Variants in SPG7 observed in about 807,000 individuals in gnomAD.
SPG7 encodes the protein SPG7 matrix AAA peptidase subunit, paraplegin.
A neutral mutation model predicts 81.9 loss-of-function variants in SPG7; 103 were observed. The observed-to-expected ratio is 1.26, with a 90% CI of 1.07 to 1.48. The LOEUF is 1.48. SPG7 is among the 40% of genes most tolerant of loss of function. The probability of loss-of-function intolerance (pLI) is 0.00; values close to 1 mark genes in which losing one functional copy is unlikely to be tolerated. For synonymous variants in SPG7, 534 were observed against 444.2 expected, an observed-to-expected ratio of 1.20 and a Z score of -2.54; for missense variants, 1,241 against 1,087.3, an observed-to-expected ratio of 1.14 and a Z score of -1.99.
At chr16:89,529,791 C>G (rs899407353) in intron 6 of SPG7, 3 of 621,786 alleles carry the variant, frequency 4.8e-6, no homozygotes, top group East Asian at 5.7e-5. Context: ...ACCCCTAACT[C>G]TGGGGTGCCT....
chr16:89,550,381 C>G, intron 12 of SPG7, 113 bp from the exon 13 acceptor site: 1 of 774,114 alleles, frequency 1.3e-6, no homozygotes, highest in Non-Finnish European at 2.3e-6. Context: ...CCATATTGGT[C>G]GGGCTGGTCT....
chr16:89,546,192 T>C (rs896821827), intron 10 of SPG7: 15 of 303,250 alleles, frequency 4.9e-5, no homozygotes, highest in East Asian at 9.6e-5. Context: ...GTTCAAGTGA[T>C]TGTCCCGCCT....
At chr16:89,531,718 G>C in intron 7 of SPG7, 186 bp from the exon 8 acceptor site, 4 of 645,312 alleles carry the variant, frequency 6.2e-6, no homozygotes, top group Non-Finnish European at 1.1e-5. Flanking sequence ...CCACATGCCT[G>C]TATATTCCCA....
chr16:89,513,744 C>T (rs2058053167), intron 3 of SPG7, among the ~76,000 whole-genome samples: 1 of 39,684 alleles, frequency 2.5e-5, no homozygotes, highest in Admixed American at 3.4e-4. Context: ...TGAGGCCTCT[C>T]GCTGGAAATC....
At position 89,556,490 on chromosome 16, in the gene SPG7, A is replaced by G. The variant is rs1364584376; in HGVS notation, c.2182-397A>G. On this transcript the variant is annotated intron_variant, in intron 16 of 16. Coordinates refer to ENST00000645818, the MANE Select transcript of SPG7 (RefSeq NM_003119.4). ...TAGAATGGCAGAAATTCACTTCCCC[A>G]ACTTGAGAGGTCCCAGCTCACACAA... The G allele has an allele frequency of 9.8e-6, 3 of 306,240 alleles. No individual in the cohort carries two copies. In the East Asian group the frequency reaches 2.4e-4, roughly 25 times the overall value. The allele number at this position is 306,240 out of a possible 1,614,324, so 19.0% of individuals were successfully genotyped here.
chr16:89,531,181 G>A (rs971907595), intron 7 of SPG7: 1 of 367,262 alleles, frequency 2.7e-6, no homozygotes, highest in Non-Finnish European at 5.3e-6. Context: ...CGCGGGCCTG[G>A]TACGGTGGGT....
chr16:89,529,829 A>G (rs555289207), intron 6 of SPG7: 5 of 548,088 alleles, frequency 9.1e-6, no homozygotes, highest in African/African-American at 7.6e-5. Flanking sequence ...AGGGCAGTTG[A>G]ATCTGCGTTT....
chr16:89,549,063 C>G (rs746380489), intron 12 of SPG7: 1 of 456,316 alleles, frequency 2.2e-6, no homozygotes, highest in South Asian at 1.5e-5. Context: ...CAAAACACAC[C>G]TGGCTTCTCT....
At chr16:89,527,872 G>T (rs573619202) in intron 5 of SPG7, among the ~76,000 whole-genome samples, 159 of 151,772 alleles carry the variant, frequency 1.0e-3, no homozygotes, top group African/African-American at 3.8e-3. Flanking sequence ...AGGCAGGGAG[G>T]ATCTCTTGAG....
In SPG7 at chr16:89,508,488, G is replaced by C. The variant is rs774999325; in HGVS notation, c.71G>C (p.Gly24Ala). Reference sequence around the variant, plus strand: ...GGCCCGGGTCCTCGGCCGCTGTGGGGCCCAGGCCCGGCCTGGAGTCCAGGG... The same window carrying C: ...GGCCCGGGTCCTCGGCCGCTGTGGGCCCCAGGCCCGGCCTGGAGTCCAGGG... ...GPGPGPRPLW[G>A]PGPAWSPGFP... The change falls in exon 1 of 17, where the codon GGC (glycine) becomes GCC (alanine). Residue 24 changes from glycine to alanine, a missense_variant. Physicochemically the swap from Gly to Ala is moderately conservative, Grantham distance 60 (BLOSUM62 0). Transcript: ENST00000645818. 1 of 1,510,630 alleles carries C rather than the reference G, an allele frequency of 6.6e-7. No homozygotes were observed. The highest frequency in any genetic ancestry group is 1.2e-5 in the South Asian group (1 of 81,502). 93.6% of individuals were successfully genotyped at this position (1,510,630 alleles called of 1,614,324 possible).
At chr16:89,540,029 G>A (rs1046423070) in intron 9 of SPG7, 1 of 152,522 alleles carries the variant, frequency 6.6e-6, no homozygotes, top group Non-Finnish European at 1.5e-5. Flanking sequence ...TTTCCACCAA[G>A]TTGTGCTTGC....
At chr16:89,555,800 C>T (rs933677827) in intron 16 of SPG7, 2 of 398,454 alleles carry the variant, frequency 5.0e-6, no homozygotes, top group Non-Finnish European at 8.8e-6. Context: ...GTGCACGGCT[C>T]TTTGTCCCAT....
At chr16:89,556,822 C>G (rs2058691215) in intron 16 of SPG7, 65 bp from the exon 17 acceptor site, 2 of 1,330,054 alleles carry the variant, frequency 1.5e-6, no homozygotes, top group Non-Finnish European at 2.2e-6. Flanking sequence ...TTGCCACCTC[C>G]CCAGGACATA....
chr16:89,508,629 C>T, intron 1 of SPG7, 29 bp downstream of exon 1: 2 of 1,431,888 alleles, frequency 1.4e-6, no homozygotes, highest in Non-Finnish European at 9.1e-7. Context: ...CGGGCCCCAC[C>T]TCCCGCCCGG....
In SPG7 at chr16:89,529,486, C is replaced by T. The variant is rs759122744; in HGVS notation, c.768C>T (p.Tyr256=). 1.2e-6 allele frequency: 2 copies of T among 1,612,592 alleles called. No individual in the cohort carries two copies. The highest frequency in any genetic ancestry group is 2.7e-5 in the African/African-American group (2 of 74,920). ...CTCTTTCTTCCGGCAGTGCCCTGTACTCTGTGGGGATGACGGCAGTGGGCC... is the reference window on the plus strand; with the variant it reads ...CTCTTTCTTCCGGCAGTGCCCTGTATTCTGTGGGGATGACGGCAGTGGGCC... The part of the protein sequence containing the change: ...KRTGFFGNAL[Y]SVGMTAVGLA... The change falls in exon 6 of 17, where the codon TAC becomes TAT. Residue 256 remains tyrosine (Y), a synonymous_variant. Coordinates refer to ENST00000645818, the MANE Select transcript of SPG7 (RefSeq NM_003119.4).
In SPG7 at chr16:89,536,643, AGGTG is replaced by A. The variant is rs1429119086; in HGVS notation, c.1324+4010_1324+4013del. The A allele has an allele frequency of 1.5e-3, 1,773 of 1,155,286 alleles. 22 individuals are homozygous for A. Among genetic ancestry groups the A allele is most frequent in the African/African-American group, 0.011 (601 of 53,072 alleles). 71.6% of individuals were successfully genotyped at this position (1,155,286 alleles called of 1,614,324 possible). A position where few individuals can be genotyped will look rare whatever the true frequency, so the allele number is the denominator to read the frequency against. On this transcript the variant is annotated intron_variant, in intron 9 of 16. Transcript: ENST00000645818. The stretch of plus-strand genomic sequence containing the variant: ...CGGGTGAGGGCGGGTGAGGCGGGCG[AGGTG>A]GGCGAGGCAGGCGAGGCGGGTGAGA...
rs755426662 is a variant in SPG7 at position 89,532,468 on chromosome 16, G to A, written c.1156G>A (p.Gly386Ser). Residue 386 changes from glycine (G) to serine (S), a missense_variant, in exon 9 of 17, where the codon GGC becomes AGC. Coordinates refer to ENST00000645818, the MANE Select transcript of SPG7 (RefSeq NM_003119.4). ...TTCTCTCTGTGTCCCCTCAGGCCTC[G>A]GCGCTGCCCGTGTGCGGAGCCTCTT... ...PEFVEVIGGL[G>S]AARVRSLFKE... 4 of 1,613,406 alleles carry A rather than the reference G, an allele frequency of 2.5e-6. No individual in the cohort carries two copies. The highest frequency in any genetic ancestry group is 1.1e-5 in the South Asian group (1 of 91,080).
chr16:89,510,766 G>A (rs551901410), intron 2 of SPG7, among the ~76,000 whole-genome samples, 174 bp downstream of exon 2: 1 of 152,280 alleles, frequency 6.6e-6, no homozygotes, highest in East Asian at 1.9e-4. Flanking sequence ...CTGGGCTCAA[G>A]GGATCCTCCC....
chr16:89,529,389 A>G (rs1364728739), intron 5 of SPG7, 88 bp from the exon 6 acceptor site: 2 of 832,020 alleles, frequency 2.4e-6, no homozygotes, highest in Admixed American at 2.0e-5. Context: ...CATCTTGGAA[A>G]CATTGCCAGC....
Sources: allele counts gnomAD v4.1 joint callset (sites outside exome capture counted in the v4.1 genomes callset), GRCh38; gene constraint gnomAD v4.1.1; transcripts MANE v1.5; gene names NCBI Gene and HGNC (gene_info 2026-07-23, HGNC 2026-07-21).